The following TET3 variants were observed in gnomAD, a reference collection of about 807,000 sequenced individuals.
TET3 encodes the protein methylcytosine dioxygenase TET3.
In TET3, 19 loss-of-function variants were observed where a neutral mutation model predicts 141.4. The ratio of observed to expected loss-of-function variants is 0.13; its 90% CI spans 0.09 to 0.20. The LOEUF (loss-of-function observed/expected upper bound fraction) is 0.20, where lower values mean the gene tolerates loss of function less well. Among genes scored for constraint, TET3 ranks in the 10% least tolerant of loss-of-function variants. The probability of loss-of-function intolerance (pLI) is 1.00; values close to 1 mark genes in which losing one functional copy is unlikely to be tolerated. For synonymous variants in TET3, 1,043 were observed against 980.9 expected (o/e 1.06, Z -1.18); for missense variants, 1,874 against 2,356.9 (o/e 0.80, Z 4.24).
At chr2:74,062,093 G>T (rs1463159298) in intron 4 of TET3, among the ~76,000 whole-genome samples, 5 of 152,188 alleles carry the variant, frequency 3.3e-5, no homozygotes, top group Non-Finnish European at 7.3e-5. Flanking sequence ...AGGTTGTAGC[G>T]AGCCGAGAGC....
intron 3 of TET3, among the ~76,000 whole-genome samples, chr2:74,030,118 ATTTG>A (rs535007673): frequency 6.6e-6 from 1 of 152,180 alleles, no homozygotes; most frequent in South Asian, 2.1e-4. Context: ...CGGAATGTAT[ATTTG>A]TTTGAGAGAT....
chr2:74,055,522 G>A lies in TET3; in HGVS notation c.2494+7111G>A, dbSNP rs144525315. 6.6e-5 allele frequency among the ~76,000 whole-genome samples: 10 copies of A among 152,262 alleles called. No homozygotes were observed. The East Asian group carries it at 1.9e-3, about 29-fold the overall frequency. On this transcript the variant is annotated intron_variant, in intron 4 of 11. Transcript: ENST00000409262. Reference sequence around the variant, plus strand: ...GGCTGTGGCTTTGTAACTATCAGGAGGCATCATGCTAGCAGTCATTGACTG... The same window carrying A: ...GGCTGTGGCTTTGTAACTATCAGGAAGCATCATGCTAGCAGTCATTGACTG...
At chr2:74,040,682 C>A (rs1687293132) in intron 3 of TET3, among the ~76,000 whole-genome samples, 1 of 152,034 alleles carries the variant, frequency 6.6e-6, no homozygotes, top group Admixed American at 6.6e-5. Flanking sequence ...GAGGCCGGGG[C>A]AGGAAAATTG....
At chr2:74,051,418 A>G (rs934796648) in intron 4 of TET3, among the ~76,000 whole-genome samples, 1 of 152,246 alleles carries the variant, frequency 6.6e-6, no homozygotes, top group African/African-American at 2.4e-5. Context: ...AAAAAAGACT[A>G]GAAGAAAATA....
rs572073703 is a variant in TET3 at position 74,093,914 on chromosome 2, C to T, written c.3267+248C>T. 1.3e-5 allele frequency among the ~76,000 whole-genome samples: 2 copies of T among 152,302 alleles called. No homozygotes were observed. The highest frequency in any genetic ancestry group is 4.8e-5 in the African/African-American group (2 of 41,580). ...TAGGGGGATGCTGCAGGATGTAGCC[C>T]CTCAAGCACCTGGAGTGCCCAGTTA... is the stretch of plus-strand genomic sequence containing the variant. On this transcript the variant is annotated intron_variant, in intron 10 of 11. Coordinates refer to ENST00000409262, the MANE Select transcript of TET3 (RefSeq NM_001287491.2). This position sits in a 1 kb window ranked among gnomAD's most constrained non-coding sequence, Gnocchi z 4.2.
intron 4 of TET3, among the ~76,000 whole-genome samples, chr2:74,050,695 G>T (rs867956921): frequency 1.3e-5 from 2 of 151,914 alleles, no homozygotes; most frequent in Non-Finnish European, 2.9e-5. Context: ...AATTACAGGC[G>T]CATGCCACCA....
At chr2:74,082,338 G>A (rs1401657069) in intron 6 of TET3, among the ~76,000 whole-genome samples, 4 of 152,178 alleles carry the variant, frequency 2.6e-5, no homozygotes, top group Non-Finnish European at 4.4e-5. Flanking sequence ...AGGAAGGCAG[G>A]AGGATGGAGG....
intron 10 of TET3, among the ~76,000 whole-genome samples, chr2:74,095,627 G>T (rs141000631): frequency 6.6e-6 from 1 of 152,254 alleles, no homozygotes; most frequent in African/African-American, 2.4e-5. Flanking sequence ...ACCCAGATGG[G>T]GTCACATTAT....
At chr2:74,015,598 T>C (rs1685687868) in intron 3 of TET3, among the ~76,000 whole-genome samples, 1 of 152,216 alleles carries the variant, frequency 6.6e-6, no homozygotes, top group Non-Finnish European at 1.5e-5. Context: ...GAATATTTCA[T>C]TTTATGGCTG....
intron 3 of TET3, among the ~76,000 whole-genome samples, chr2:74,030,784 C>T (rs1335279751): frequency 2.0e-5 from 3 of 152,056 alleles, no homozygotes; most frequent in Admixed American, 2.0e-4. Flanking sequence ...GAGCCACCTC[C>T]TGAGTTTGTC....
At chr2:74,088,833 C>T (rs1690311176) in intron 7 of TET3, among the ~76,000 whole-genome samples, 1 of 152,148 alleles carries the variant, frequency 6.6e-6, no homozygotes, top group African/African-American at 2.4e-5. Flanking sequence ...GTGGTCGCAG[C>T]ACTTTGGGAG....
chr2:74,102,054 C>A lies in TET3; in HGVS notation c.5266C>A (p.Gln1756Lys). Reference sequence around the variant, plus strand: ...GGGCACTGTGGTTGCTGAGCCCCAGCAGAAAGAGAAGAAGGGGGTCGTCCC... The same window carrying A: ...GGGCACTGTGGTTGCTGAGCCCCAGAAGAAAGAGAAGAAGGGGGTCGTCCC... Reference protein sequence around the residue: ...WGGTVVAEPQQKEKKGVVPTR... With the variant: ...WGGTVVAEPQKKEKKGVVPTR... Residue 1756 changes from glutamine to lysine, a missense_variant, in exon 12 of 12, where the codon CAG becomes AAG. Physicochemically the swap from Gln to Lys is moderately conservative, Grantham distance 53. Transcript: ENST00000409262. 6.5e-7 allele frequency: 1 copy of A among 1,532,042 alleles called. No homozygotes were observed. Among genetic ancestry groups the A allele is most frequent in the Non-Finnish European group, 8.8e-7 (1 of 1,140,914 alleles). The allele number at this position is 1,532,042 out of a possible 1,614,324, so 94.9% of individuals were successfully genotyped here.
intron 2 of TET3, among the ~76,000 whole-genome samples, chr2:73,992,275 G>A (rs1051214192): frequency 9.2e-5 from 12 of 131,090 alleles, no homozygotes; most frequent in Admixed American, 3.7e-4. Flanking sequence ...CTGCAGATGT[G>A]ATTGCAAAAT....
intron 2 of TET3, among the ~76,000 whole-genome samples, chr2:73,995,116 C>T (rs1265159864): frequency 3.3e-5 from 5 of 152,048 alleles, no homozygotes; most frequent in South Asian, 2.1e-4. Context: ...TACACCACCA[C>T]GTCTGGCTAA....
At chr2:74,115,291 G>T in the TET3 span, among the ~76,000 whole-genome samples, 1 of 152,108 alleles carries the variant, frequency 6.6e-6, no homozygotes, top group Non-Finnish European at 1.5e-5. Context: ...TTAAAAATGG[G>T]CAAATGATTA....
At chr2:73,992,840 A>G (rs1684403885) in intron 2 of TET3, among the ~76,000 whole-genome samples, 5 of 152,214 alleles carry the variant, frequency 3.3e-5, no homozygotes, top group Admixed American at 3.3e-4. Flanking sequence ...TGTTTTGTGA[A>G]ACTTTAGAAA....
downstream of TET3, among the ~76,000 whole-genome samples, chr2:74,110,883 C>T (rs1308476926): frequency 6.6e-6 from 1 of 152,176 alleles, no homozygotes; most frequent in African/African-American, 2.4e-5. Flanking sequence ...CTCCCCATCA[C>T]GTGCTCTCAG....
intron 2 of TET3, 88 bp downstream of exon 2, chr2:73,986,794 G>C: frequency 8.7e-7 from 1 of 1,146,762 alleles, no homozygotes; most frequent in Non-Finnish European, 1.1e-6. Flanking sequence ...TCGTCCAGTT[G>C]AGTCCATTCT....
chr2:74,058,741 A>C (rs529873010), intron 4 of TET3, among the ~76,000 whole-genome samples: 1 of 152,194 alleles, frequency 6.6e-6, no homozygotes, highest in Non-Finnish European at 1.5e-5. Flanking sequence ...GCATCTCAGA[A>C]GCCTCCGAAG....
Sources: gnomAD v4.1 joint callset for allele counts (sites outside exome capture counted in the v4.1 genomes callset) on GRCh38, gnomAD v4.1.1 for gene constraint, Gnocchi (gnomAD v3.1) non-coding constraint, MANE v1.5 for transcripts, NCBI Gene and HGNC (gene_info 2026-07-23, HGNC 2026-07-21) for gene names.